The following ZNF793 variants were observed in gnomAD, a reference collection of about 807,000 sequenced individuals.
The protein encoded by ZNF793 is zinc finger protein 793.
Under a neutral mutation model 12.4 loss-of-function variants are expected in ZNF793, and 5 were observed. The observed-to-expected ratio is 0.40, with a 90% CI of 0.21 to 0.84. The LOEUF is 0.84. ZNF793 is among the 40% of genes least tolerant of loss of function. The pLI is 0.35. For missense variants in ZNF793, 456 were observed against 495.0 expected (o/e 0.92, Z 0.75); for synonymous variants, 162 against 172.4 (o/e 0.94, Z 0.47).
At chr19:37,514,990 T>C (rs1189093918) in intron 2 of ZNF793, among the ~76,000 whole-genome samples, 4 of 152,224 alleles carry the variant, frequency 2.6e-5, no homozygotes, top group Non-Finnish European at 4.4e-5. Context: ...TTTCTTAACT[T>C]GATAAGACCT....
At chr19:37,532,884 TTATC>T in intron 6 of ZNF793, among the ~76,000 whole-genome samples, 1 of 152,294 alleles carries the variant, frequency 6.6e-6, no homozygotes, top group Non-Finnish European at 1.5e-5. Flanking sequence ...TATTTAATAA[TTATC>T]TAGCACTTTC....
intron 1 of ZNF793, 23 bp from the exon 2 acceptor site, chr19:37,508,242 T>A (rs1216674933): frequency 6.6e-6 from 1 of 152,162 alleles, no homozygotes; most frequent in Non-Finnish European, 1.5e-5. Context: ...TAATGCATAT[T>A]TTTTCCTAAT....
chr19:37,532,557 C>T, intron 6 of ZNF793, 75 bp downstream of exon 6: 1 of 1,486,440 alleles, frequency 6.7e-7, no homozygotes, highest in Non-Finnish European at 8.9e-7. Flanking sequence ...CTAAAAGCAA[C>T]TGGAGTACTT....
chr19:37,518,352 C>G (rs1227174498), intron 2 of ZNF793, among the ~76,000 whole-genome samples: 2 of 152,106 alleles, frequency 1.3e-5, no homozygotes, highest in Non-Finnish European at 2.9e-5. Context: ...GTCTCGAACT[C>G]CTGACCTCAG....
chr19:37,523,900 G>A (rs377592065), intron 5 of ZNF793, among the ~76,000 whole-genome samples: 4 of 151,978 alleles, frequency 2.6e-5, no homozygotes, highest in African/African-American at 7.2e-5. Flanking sequence ...CTGTAATCCC[G>A]GCACTTTGGG....
chr19:37,510,730 T>G (rs1161630984), intron 2 of ZNF793, among the ~76,000 whole-genome samples: 2 of 149,640 alleles, frequency 1.3e-5, no homozygotes, highest in East Asian at 4.1e-4. Flanking sequence ...AGGGTCTCAC[T>G]CTATTGCCCA....
chr19:37,507,862 A>G (rs946039974), intron 1 of ZNF793, among the ~76,000 whole-genome samples: 8 of 152,178 alleles, frequency 5.3e-5, no homozygotes, highest in Non-Finnish European at 1.2e-4. Context: ...ACATAGGGGA[A>G]TATCAGTGAC....
intron 2 of ZNF793, among the ~76,000 whole-genome samples, chr19:37,516,386 C>T (rs866228398): frequency 6.6e-6 from 1 of 152,110 alleles, no homozygotes; most frequent in Non-Finnish European, 1.5e-5. Flanking sequence ...CTACCTGCCC[C>T]GGCCTCCCAA....
chr19:37,535,394 C>T (rs1358836570), intron 7 of ZNF793: 3 of 152,112 alleles, frequency 2.0e-5, no homozygotes, highest in Non-Finnish European at 2.9e-5. Context: ...GTGCCATGGA[C>T]TTCTTAGGCA....
At chr19:37,519,123 C>T (rs910988423) in intron 2 of ZNF793, among the ~76,000 whole-genome samples, 2 of 152,042 alleles carry the variant, frequency 1.3e-5, no homozygotes, top group Middle Eastern at 3.4e-3. Flanking sequence ...AAAAATTAGC[C>T]GGCGTGGTGG....
At position 37,527,716 on chromosome 19, in the gene ZNF793, G is replaced by A. The variant is rs575930188; in HGVS notation, c.15+4262G>A. ...ACTTCTACACCAACTGCAAGTTTGA[G>A]GGTCTCCCTCAAAACACTTTTGGGT... On this transcript the variant is annotated intron_variant, in intron 5 of 7. Transcript: ENST00000627814. Among the ~76,000 whole-genome samples the A allele has an allele frequency of 2.6e-5, 4 of 152,292 alleles. No individual in the cohort carries two copies. The South Asian group carries it at 8.3e-4, about 32-fold the overall frequency.
intron 5 of ZNF793, among the ~76,000 whole-genome samples, chr19:37,529,356 C>A (rs544750562): frequency 6.6e-6 from 1 of 152,214 alleles, no homozygotes; most frequent in South Asian, 2.1e-4. Flanking sequence ...AGGGTCTTTC[C>A]TCTCACGTCC....
rs2042517065 is a variant in ZNF793, at chr19:37,537,533, T to G, written c.875T>G (p.Phe292Cys). 1 of 1,613,988 alleles carries G rather than the reference T, an allele frequency of 6.2e-7. No homozygotes were observed. Among genetic ancestry groups the G allele is most frequent in the African/African-American group, 1.3e-5 (1 of 74,900 alleles). The change falls in exon 8 of 8, where the codon TTT becomes TGT. Residue 292 changes from phenylalanine (F) to cysteine (C), a missense_variant. Physicochemically the swap from Phe to Cys is radical, Grantham distance 205 (BLOSUM62 -2). Coordinates refer to ENST00000627814, the MANE Select transcript of ZNF793 (RefSeq NM_001013659.3). ...GAATGTTTTTTTTGTGGGAAAGCCT[T>G]TACCCAGAAGTCACACCGCACAGAA... is the stretch of plus-strand genomic sequence containing the variant. ...PFECFFCGKA[F>C]TQKSHRTEHQ...
intron 3 of ZNF793, among the ~76,000 whole-genome samples, chr19:37,520,757 C>G (rs2042368792): frequency 6.6e-6 from 1 of 152,192 alleles, no homozygotes; most frequent in Non-Finnish European, 1.5e-5. Context: ...GCTCTCCCGT[C>G]ATTTTTGGCA....
intron 7 of ZNF793, chr19:37,534,498 TCA>T (rs146916662): frequency 0.022 from 3,236 of 149,140 alleles, 64 homozygotes; most frequent in African/African-American, 0.049. Flanking sequence ...ACACTCACAC[TCA>T]CACACACACA....
intron 5 of ZNF793, among the ~76,000 whole-genome samples, chr19:37,527,000 T>C (rs951208604): frequency 2.6e-5 from 4 of 152,180 alleles, no homozygotes; most frequent in African/African-American, 9.7e-5. Flanking sequence ...CAGGCTGGAG[T>C]GCAGTGGCAC....
At position 37,537,181 on chromosome 19, in the gene ZNF793, C is replaced by T. The variant is rs756632816; in HGVS notation, c.523C>T (p.Arg175Cys). The change falls in exon 8 of 8, where the codon CGT becomes TGT. Residue 175 changes from arginine to cysteine, a missense_variant. Physicochemically the swap from Arg to Cys is radical, Grantham distance 180 (BLOSUM62 -3). Transcript: ENST00000627814. ...TTATGCTTATGGGAAATTGCTTCAGCGTATAAATCATGGTAGACGACCTAA... is the reference window on the plus strand; with the variant it reads ...TTATGCTTATGGGAAATTGCTTCAGTGTATAAATCATGGTAGACGACCTAA... ...ECYAYGKLLQ[R>C]INHGRRPNGE... is the part of the protein sequence containing the mutation. The T allele has an allele frequency of 9.9e-6, 16 of 1,613,588 alleles. No homozygotes were observed. The highest frequency in any genetic ancestry group is 8.3e-5 in the Admixed American group (5 of 59,942).
intron 7 of ZNF793, chr19:37,534,910 C>A: frequency 6.6e-6 from 1 of 152,494 alleles, no homozygotes; most frequent in South Asian, 2.0e-4. Flanking sequence ...TCTCAAACTC[C>A]TGGGCTCAAG....
rs571273979 is a variant in ZNF793, at chr19:37,518,347, G to A, written c.-275-1837G>A. Among the ~76,000 whole-genome samples the A allele has an allele frequency of 1.4e-4, 22 of 152,030 alleles. No individual in the cohort carries two copies. The East Asian group carries it at 3.7e-3, about 25-fold the overall frequency. On this transcript the variant is annotated intron_variant, in intron 2 of 7. Coordinates refer to ENST00000627814, the MANE Select transcript of ZNF793 (RefSeq NM_001013659.3). ...TCACCATGTTGGCCAGGCTAGTCTC[G>A]AACTCCTGACCTCAGTTGATCTGCC...
Sources: allele counts gnomAD v4.1 joint callset (sites outside exome capture counted in the v4.1 genomes callset), GRCh38; gene constraint gnomAD v4.1.1; transcripts MANE v1.5; gene names NCBI Gene and HGNC (gene_info 2026-07-23, HGNC 2026-07-21).